TTC33: variants seen among roughly 807,000 people sequenced by gnomAD.
The protein encoded by TTC33 is tetratricopeptide repeat protein 33.
A neutral mutation model predicts 29.4 loss-of-function variants in TTC33; 24 were observed. That is an observed-to-expected ratio of 0.82 (90% CI 0.59 to 1.15). The LOEUF (loss-of-function observed/expected upper bound fraction) is 1.15. TTC33 is among the 50% of genes most tolerant of loss of function. The pLI, the probability that TTC33 is intolerant of heterozygous loss-of-function variation, is 0.00. For missense variants in TTC33, 286 were observed against 310.4 expected (o/e 0.92, Z 0.59); for synonymous variants, 107 against 100.3 (o/e 1.07, Z -0.40).
At chr5:40,739,368 T>G (rs1168756331) in intron 2 of TTC33, among the ~76,000 whole-genome samples, 1 of 152,236 alleles carries the variant, frequency 6.6e-6, no homozygotes, top group Non-Finnish European at 1.5e-5. Context: ...AACAAAATAC[T>G]ATCTTCCAAT....
In TTC33 at chr5:40,746,992, T is replaced by C. The variant is rs140354143; in HGVS notation, c.27A>G (p.Lys9=). The C allele has an allele frequency of 9.9e-6, 16 of 1,613,810 alleles. No individual in the cohort carries two copies. Among genetic ancestry groups the C allele is most frequent in the African/African-American group, 4.0e-5 (3 of 74,890 alleles). ...TGACCTTTGAGACCTTCTCACCAAT[T>C]TTCCTCTTCCACCCAAAGGAAGCCA... MASFGWKR[K]IGEKVSKVTS... The change falls in exon 2 of 5, where the codon AAA becomes AAG. Residue 9 remains lysine (K), a synonymous_variant. Transcript: ENST00000337702.
chr5:40,753,301 T>A (rs1359914795), intron 1 of TTC33, among the ~76,000 whole-genome samples: 1 of 151,620 alleles, frequency 6.6e-6, no homozygotes, highest in Non-Finnish European at 1.5e-5. Context: ...GAGGTAGAAG[T>A]TGCAGTGAGC....
chr5:40,732,060 C>T (rs947633510), intron 2 of TTC33, among the ~76,000 whole-genome samples: 3 of 152,240 alleles, frequency 2.0e-5, no homozygotes, highest in Admixed American at 1.3e-4. Context: ...GAGTCTTGCT[C>T]CGTTGCACTG....
rs80220142 is a variant in TTC33 at position 40,711,793 on chromosome 5, G to C, written c.*4352C>G. On this transcript the variant is annotated 3_prime_UTR_variant, in exon 5 of 5. Transcript: ENST00000337702. ...AAGCATCATGTTAAGCAAAAAAAAA[G>C]TCAGACACAAAAAGAGTGCATATTA... is the stretch of plus-strand genomic sequence containing the variant. Among the ~76,000 whole-genome samples the C allele has an allele frequency of 6.6e-6, 1 of 151,938 alleles. No homozygotes were observed.
chr5:40,736,117 A>AGAGGGGTCTT (rs1196958265), intron 2 of TTC33, among the ~76,000 whole-genome samples: 3 of 152,218 alleles, frequency 2.0e-5, no homozygotes, highest in Admixed American at 2.0e-4. Flanking sequence ...GATGGGGTCT[A>AGAGGGGTCTT]GAGTACAAGT....
Position 40,747,286 on chromosome 5 carries a change from G to A in TTC33, c.-1-267C>T, listed in dbSNP as rs537907025. Among the ~76,000 whole-genome samples the A allele has an allele frequency of 6.6e-5, 10 of 151,978 alleles. No homozygotes were observed. The South Asian group carries it at 1.5e-3, about 22-fold the overall frequency. On this transcript the variant is annotated intron_variant, in intron 1 of 4. Transcript: ENST00000337702. ...TTGGTCAGGCTGGTCTCAAACTCCCGACCTCAGGTGATCTGCCCATCTCGG... is the reference window on the plus strand; with the variant it reads ...TTGGTCAGGCTGGTCTCAAACTCCCAACCTCAGGTGATCTGCCCATCTCGG...
intron 4 of TTC33, among the ~76,000 whole-genome samples, chr5:40,721,494 T>G (rs570594797): frequency 6.6e-6 from 1 of 152,094 alleles, no homozygotes; most frequent in Admixed American, 6.6e-5. Flanking sequence ...GCATTAAGTA[T>G]ACATAATGAG....
In TTC33 at chr5:40,712,749, G is replaced by C. The variant is rs1397661250; in HGVS notation, c.*3396C>G. The stretch of plus-strand genomic sequence containing the variant: ...AAACTCCCTCCTTTCCTGGTGAAGT[G>C]AGAGAAAGAGATTAGAATTCCTTGG... On this transcript the variant is annotated 3_prime_UTR_variant, in exon 5 of 5. Transcript: ENST00000337702. 6.6e-6 allele frequency among the ~76,000 whole-genome samples: 1 copy of C among 152,176 alleles called. No individual in the cohort carries two copies. The highest frequency in any genetic ancestry group is 2.4e-5 in the African/African-American group (1 of 41,448).
Position 40,712,267 on chromosome 5 carries a change from T to C in TTC33, c.*3878A>G, listed in dbSNP as rs1050484190. ...TACTCAATTTCAATAGAATTTCCATTATTTAAAAAAAACCTCTAAAATTAG... is the reference window on the plus strand; with the variant it reads ...TACTCAATTTCAATAGAATTTCCATCATTTAAAAAAAACCTCTAAAATTAG... On this transcript the variant is annotated 3_prime_UTR_variant, in exon 5 of 5. Coordinates refer to ENST00000337702, the MANE Select transcript of TTC33 (RefSeq NM_012382.3). Among the ~76,000 whole-genome samples, 5 of 152,018 alleles carry C rather than the reference T, an allele frequency of 3.3e-5. No individual in the cohort carries two copies. The highest frequency in any genetic ancestry group is 5.9e-5 in the Non-Finnish European group (4 of 67,996).
chr5:40,718,751 A>T (rs1742062688), intron 4 of TTC33, among the ~76,000 whole-genome samples: 1 of 151,790 alleles, frequency 6.6e-6, no homozygotes, highest in Non-Finnish European at 1.5e-5. Context: ...AAAAAAAAAA[A>T]TTAGCTGGGT....
intron 4 of TTC33, among the ~76,000 whole-genome samples, chr5:40,726,209 A>G (rs1742283678): frequency 7.6e-6 from 1 of 132,334 alleles, no homozygotes; most frequent in Admixed American, 7.4e-5. Context: ...ATATACATAC[A>G]TATTTTATAT....
At chr5:40,740,544 A>G (rs1742670490) in intron 2 of TTC33, among the ~76,000 whole-genome samples, 2 of 152,190 alleles carry the variant, frequency 1.3e-5, no homozygotes, top group Non-Finnish European at 2.9e-5. Context: ...CAGCAAGGAT[A>G]AATATCTCAT....
chr5:40,753,670 GATC>G (rs1425435570), intron 1 of TTC33, among the ~76,000 whole-genome samples: 1 of 152,142 alleles, frequency 6.6e-6, no homozygotes, highest in Non-Finnish European at 1.5e-5. Context: ...AGAAAATACA[GATC>G]ATTAGGAAAG....
At chr5:40,729,356 C>T (rs368425391) in intron 3 of TTC33, among the ~76,000 whole-genome samples, 12 of 152,168 alleles carry the variant, frequency 7.9e-5, no homozygotes, top group East Asian at 3.9e-4. Flanking sequence ...TGAATTGCAA[C>T]AATTCCCTGC....
At chr5:40,746,731 C>G (rs1423028840) in intron 2 of TTC33, 67 bp downstream of exon 2, 6 of 1,140,174 alleles carry the variant, frequency 5.3e-6, no homozygotes, top group Non-Finnish European at 7.5e-6. Context: ...AACTCTTCAT[C>G]CCATTACGGA....
At position 40,733,810 on chromosome 5, in the gene TTC33, C is replaced by T. The variant is rs530029659; in HGVS notation, c.222-3467G>A. On this transcript the variant is annotated intron_variant, in intron 2 of 4. Coordinates refer to ENST00000337702, the MANE Select transcript of TTC33 (RefSeq NM_012382.3). Reference sequence around the variant, plus strand: ...TCCTAAGCTTAAGTTGTCCCAAGTACGAAATAAACTAAGAGGTTCAAGGTG... The same window carrying T: ...TCCTAAGCTTAAGTTGTCCCAAGTATGAAATAAACTAAGAGGTTCAAGGTG... Among the ~76,000 whole-genome samples, 137 of 152,218 alleles carry T rather than the reference C, an allele frequency of 9.0e-4. 2 individuals carry two copies. Among genetic ancestry groups the T allele is most frequent in the African/African-American group, 3.1e-3 (127 of 41,536 alleles).
intron 3 of TTC33, among the ~76,000 whole-genome samples, chr5:40,728,835 A>G (rs916560790): frequency 6.6e-6 from 1 of 152,172 alleles, no homozygotes; most frequent in African/African-American, 2.4e-5. Context: ...TTGCCATTAA[A>G]CTAGGTGAAT....
chr5:40,742,788 T>C (rs561737525), intron 2 of TTC33, among the ~76,000 whole-genome samples: 2 of 152,310 alleles, frequency 1.3e-5, no homozygotes, highest in South Asian at 4.1e-4. Context: ...CAAAGGTCCT[T>C]TGTGGTTTGG....
rs1211291013 is a variant in TTC33, at chr5:40,713,140, A to G, written c.*3005T>C. 6.6e-6 allele frequency among the ~76,000 whole-genome samples: 1 copy of G among 152,156 alleles called. No individual in the cohort carries two copies. The highest frequency in any genetic ancestry group is 1.9e-4 in the East Asian group (1 of 5,200). On this transcript the variant is annotated 3_prime_UTR_variant, in exon 5 of 5. Transcript: ENST00000337702. ...TTAAGATATCCATTGATTTGAAGATAATTATTATGGAACTATGGTTCTTAT... is the reference window on the plus strand; with the variant it reads ...TTAAGATATCCATTGATTTGAAGATGATTATTATGGAACTATGGTTCTTAT...
Sources: allele counts gnomAD v4.1 joint callset (sites outside exome capture counted in the v4.1 genomes callset), GRCh38; gene constraint gnomAD v4.1.1; transcripts MANE v1.5; gene names NCBI Gene and HGNC (gene_info 2026-07-23, HGNC 2026-07-21).